The following CDK1 variants were observed in gnomAD, a reference collection of about 807,000 sequenced individuals.
The protein encoded by CDK1 is cyclin-dependent kinase 1.
Under a neutral mutation model 34.6 loss-of-function variants are expected in CDK1, and 5 were observed. That is an observed-to-expected ratio of 0.14 (90% CI 0.08 to 0.30). CDK1 has a LOEUF of 0.30. Among genes scored for constraint, CDK1 ranks in the 10% least tolerant of loss-of-function variants. CDK1 has a pLI of 1.00. For missense variants in CDK1, 157 were observed against 345.7 expected (o/e 0.45, Z 4.33); for synonymous variants, 108 against 114.7 (o/e 0.94, Z 0.37).
chr10:60,785,676 G>T lies in CDK1; in HGVS notation c.207G>T (p.Val69=). The change falls in exon 4 of 8, where the codon GTG becomes GTT. Residue 69 remains valine, a synonymous_variant. Transcript: ENST00000395284. ...TTTTTTTCCCCAGTCTTCAGGATGT[G>T]CTTATGCAGGATTCCAGGTTATATC... The part of the protein sequence containing the change: ...RHPNIVSLQD[V]LMQDSRLYLI... 1.2e-6 allele frequency: 2 copies of T among 1,602,506 alleles called. No individual in the cohort carries two copies. Among genetic ancestry groups the T allele is most frequent in the Non-Finnish European group, 1.7e-6 (2 of 1,172,676 alleles).
chr10:60,783,521 C>G (rs1467928852), intron 2 of CDK1: 1 of 152,040 alleles, frequency 6.6e-6, no homozygotes, highest in African/African-American at 2.4e-5. Flanking sequence ...ATAGAAGAGG[C>G]CTTCTTCCTA....
chr10:60,781,052 ATATATAT>A (rs1367947525), intron 2 of CDK1, among the ~76,000 whole-genome samples: 2 of 82,200 alleles, frequency 2.4e-5, no homozygotes, highest in East Asian at 8.8e-4. Context: ...ATACATATAT[ATATATAT>A]TTTTTTTTTA....
intron 4 of CDK1, chr10:60,786,149 A>G (rs954105247): frequency 1.1e-6 from 1 of 925,888 alleles, no homozygotes; most frequent in Non-Finnish European, 1.3e-6. Flanking sequence ...GTTTTGGTCA[A>G]TTTATTGTAG....
chr10:60,789,284 C>T (rs2080339282), intron 5 of CDK1, among the ~76,000 whole-genome samples: 1 of 152,014 alleles, frequency 6.6e-6, no homozygotes, highest in African/African-American at 2.4e-5. Flanking sequence ...TGAAAATTTA[C>T]AGTAAATTAT....
At chr10:60,791,779 G>T in intron 5 of CDK1, 111 bp from the exon 6 acceptor site, 1 of 538,572 alleles carries the variant, frequency 1.9e-6, no homozygotes, top group Non-Finnish European at 3.2e-6. Context: ...CAATATTATT[G>T]GTGGCAGTCA....
intron 5 of CDK1, among the ~76,000 whole-genome samples, chr10:60,788,801 A>G (rs941105338): frequency 2.6e-5 from 4 of 152,126 alleles, no homozygotes; most frequent in African/African-American, 4.8e-5. Flanking sequence ...GATTATTGAA[A>G]GGCTGTCTTC....
At chr10:60,792,382 A>C in intron 7 of CDK1, 93 bp downstream of exon 7, 2 of 1,171,922 alleles carry the variant, frequency 1.7e-6, no homozygotes, top group East Asian at 4.7e-5. Flanking sequence ...AAGAACACTA[A>C]CATTTTTGAG....
At chr10:60,784,181 T>C (rs1206076828) in intron 2 of CDK1, among the ~76,000 whole-genome samples, 2 of 152,232 alleles carry the variant, frequency 1.3e-5, no homozygotes, top group African/African-American at 2.4e-5. Context: ...ATAGAAAACT[T>C]GTGATGACTA....
At chr10:60,781,066 T>C (rs981055226) in intron 2 of CDK1, among the ~76,000 whole-genome samples, 2 of 151,876 alleles carry the variant, frequency 1.3e-5, no homozygotes, top group African/African-American at 2.4e-5. Flanking sequence ...ATATTTTTTT[T>C]TTAAATCACT....
At chr10:60,785,833 A>G (rs1255593513) in intron 4 of CDK1, 46 bp downstream of exon 4, 2 of 1,525,696 alleles carry the variant, frequency 1.3e-6, no homozygotes, top group Admixed American at 3.8e-5. Flanking sequence ...CTGTGGATAT[A>G]AAGGGACTAT....
chr10:60,779,629 C>G (rs1268663248), intron 1 of CDK1, among the ~76,000 whole-genome samples: 4 of 152,294 alleles, frequency 2.6e-5, no homozygotes, highest in South Asian at 2.1e-4. Context: ...CAACTGTAAA[C>G]ACTTAAAATG....
chr10:60,788,571 T>C (rs1455843116), intron 5 of CDK1, among the ~76,000 whole-genome samples: 1 of 152,116 alleles, frequency 6.6e-6, no homozygotes, highest in Non-Finnish European at 1.5e-5. Context: ...TAATTCTTTA[T>C]ATTAAACTCT....
intron 2 of CDK1, among the ~76,000 whole-genome samples, chr10:60,781,029 G>GGTGTGT (rs1367057458): frequency 6.6e-6 from 1 of 150,688 alleles, no homozygotes; most frequent in Non-Finnish European, 1.5e-5. Context: ...TTCGATTGGA[G>GGTGTGT]GTGTGTGTGT....
chr10:60,792,090 T>A (rs200260495), intron 6 of CDK1, 37 bp downstream of exon 6: 2 of 1,599,040 alleles, frequency 1.3e-6, no homozygotes, highest in African/African-American at 2.7e-5. Flanking sequence ...AGGTAACATA[T>A]ATGTAACAAT....
At chr10:60,791,584 A>AATCT (rs1345184197) in intron 5 of CDK1, among the ~76,000 whole-genome samples, 1 of 152,054 alleles carries the variant, frequency 6.6e-6, no homozygotes, top group African/African-American at 2.4e-5. Flanking sequence ...TGTCACCCCA[A>AATCT]ATCTATTATC....
chr10:60,779,179 T>C lies in CDK1; in HGVS notation c.-26+609T>C, dbSNP rs3213023. Reference sequence around the variant, plus strand: ...GAGCAGTGTAGTGCAGTTTTTTTCATTTAAAAAGATACATCTCTGCTTCTT... The same window carrying C: ...GAGCAGTGTAGTGCAGTTTTTTTCACTTAAAAAGATACATCTCTGCTTCTT... On this transcript the variant is annotated intron_variant, in intron 1 of 7. Transcript: ENST00000395284. Among the ~76,000 whole-genome samples, 917 of 152,352 alleles carry C rather than the reference T, an allele frequency of 6.0e-3. 12 individuals are homozygous for C. Among genetic ancestry groups the C allele is most frequent in the African/African-American group, 0.021 (877 of 41,588 alleles).
chr10:60,784,712 T>C lies in CDK1; in HGVS notation c.45T>C (p.Tyr15=). 2 of 1,610,796 alleles carry C rather than the reference T, an allele frequency of 1.2e-6. No individual in the cohort carries two copies. The highest frequency in any genetic ancestry group is 1.7e-6 in the Non-Finnish European group (2 of 1,177,466). The change falls in exon 3 of 8, where the codon TAT becomes TAC. Residue 15 remains tyrosine (Y), a synonymous_variant. Coordinates refer to ENST00000395284, the MANE Select transcript of CDK1 (RefSeq NM_001786.5). ...TTATTTACTTTGTTTCAGGTACCTA[T>C]GGAGTTGTGTATAAGGGTAGACACA... ...TKIEKIGEGT[Y]GVVYKGRHKT...
Position 60,793,896 on chromosome 10 carries a change from C to T in CDK1, c.815C>T (p.Pro272Leu). 6.5e-7 allele frequency: 1 copy of T among 1,542,636 alleles called. No homozygotes were observed. Residue 272 changes from proline to leucine, a missense_variant, in exon 8 of 8, where the codon CCA becomes CTA. Pro to Leu is a moderately conservative substitution (Grantham distance 98). Around this residue, in one of 3 missense-constraint regions of CDK1, gnomAD observed 102 missense variants for 233.6 expected, o/e 0.44. Transcript: ENST00000395284. ...DLLSKMLIYD[P>L]AKRISGKMAL... is the part of the protein sequence containing the mutation. ...TCCCAGAAAATGTTAATCTATGATCCAGCCAAACGAATTTCTGGCAAAATG... is the reference window on the plus strand; with the variant it reads ...TCCCAGAAAATGTTAATCTATGATCTAGCCAAACGAATTTCTGGCAAAATG...
chr10:60,788,778 T>C (rs1490813532), intron 5 of CDK1, among the ~76,000 whole-genome samples: 2 of 152,110 alleles, frequency 1.3e-5, no homozygotes, highest in African/African-American at 4.8e-5. Context: ...AAAGGGAACA[T>C]TGTATAATAA....
Sources: allele counts gnomAD v4.1 joint callset (sites outside exome capture counted in the v4.1 genomes callset), GRCh38; gene constraint gnomAD v4.1.1; regional missense constraint gnomAD v4.1.1; transcripts MANE v1.5; gene names NCBI Gene and HGNC (gene_info 2026-07-23, HGNC 2026-07-21).